DKKL1: variants seen among roughly 807,000 people sequenced by gnomAD.
DKKL1 encodes the protein dickkopf-like protein 1.
Under a neutral mutation model 16.5 loss-of-function variants are expected in DKKL1, and 11 were observed. The ratio of observed to expected loss-of-function variants is 0.67; its 90% CI spans 0.42 to 1.10. The LOEUF (loss-of-function observed/expected upper bound fraction) is 1.10, where lower values mean the gene tolerates loss of function less well. Among genes scored for constraint, DKKL1 ranks in the 50% least tolerant of loss-of-function variants. The pLI, the probability that DKKL1 is intolerant of heterozygous loss-of-function variation, is 0.00. For missense variants in DKKL1, 320 were observed against 308.1 expected (o/e 1.04, Z -0.29); for synonymous variants, 119 against 133.2 (o/e 0.89, Z 0.73).
chr19:49,363,874 A>G (rs914844088), upstream of DKKL1: 1 of 1,390,552 alleles, frequency 7.2e-7, no homozygotes, highest in African/African-American at 1.4e-5. Flanking sequence ...AACGCTCTAG[A>G]CCAGACCTGG....
chr19:49,364,037 G>C, intron 1 of DKKL1, 29 bp downstream of exon 1: 1 of 1,612,326 alleles, frequency 6.2e-7, no homozygotes, highest in East Asian at 2.2e-5. Context: ...TGGTGAACGT[G>C]GGCGAAAGTG....
chr19:49,365,979 G>A (rs1430669823), intron 4 of DKKL1, 94 bp downstream of exon 4: 3 of 1,205,044 alleles, frequency 2.5e-6, no homozygotes, highest in Non-Finnish European at 3.5e-6. Flanking sequence ...CCAGGCTGGA[G>A]TGCAGTGGCA....
intron 4 of DKKL1, among the ~76,000 whole-genome samples, chr19:49,373,324 C>CA (rs1370977831): frequency 6.6e-6 from 1 of 150,448 alleles, no homozygotes; most frequent in Non-Finnish European, 1.5e-5. Flanking sequence ...AAAAAGAACA[C>CA]AGTCATGTTG....
upstream of DKKL1, among the ~76,000 whole-genome samples, chr19:49,361,023 C>A (rs1972851759): frequency 2.2e-5 from 1 of 44,644 alleles, no homozygotes; most frequent in Non-Finnish European, 3.7e-5. Flanking sequence ...GGGACAGAGA[C>A]CAGAGGGAGG....
chr19:49,374,991 A>C lies in DKKL1; in HGVS notation c.692A>C (p.His231Pro). Residue 231 changes from histidine (H) to proline (P), a missense_variant, in exon 5 of 5, where the codon CAC becomes CCC. His to Pro is a moderately conservative substitution (Grantham distance 77). Coordinates refer to ENST00000221498, the MANE Select transcript of DKKL1 (RefSeq NM_014419.4). ...SHSRLSPRKT[H>P]LLYILRPSRQ... ...TCCAGGCTGTCCCCCCGAAAGACCC[A>C]CTTACTGTACATCCTCAGGCCCTCT... The C allele has an allele frequency of 6.2e-7, 1 of 1,612,880 alleles. No homozygotes were observed. Among genetic ancestry groups the C allele is most frequent in the Non-Finnish European group, 8.5e-7 (1 of 1,179,606 alleles).
At chr19:49,370,636 CAT>C (rs1973443412) in intron 4 of DKKL1, 1 of 152,092 alleles carries the variant, frequency 6.6e-6, no homozygotes, top group Non-Finnish European at 1.5e-5. Context: ...CGAAAGCTCA[CAT>C]GAGGATGCTC....
chr19:49,364,745 T>C lies in DKKL1; in HGVS notation c.174T>C (p.Leu58=). The C allele has an allele frequency of 6.2e-7, 1 of 1,612,360 alleles. No individual in the cohort carries two copies. ...LQSLLQGFSR[L]FLKGNLLRGI... is the part of the protein sequence containing the mutation. The stretch of plus-strand genomic sequence containing the variant: ...GCCTACTCCAAGGCTTCAGCCGACT[T>C]TTCCTGAAAGTAAGCGATGGCGGGG... Residue 58 remains leucine (L), a synonymous_variant, in exon 2 of 5, where the codon CTT becomes CTC. Transcript: ENST00000221498.
At chr19:49,364,193 T>C (rs1973149392) in intron 1 of DKKL1, among the ~76,000 whole-genome samples, 185 bp downstream of exon 1, 2 of 151,498 alleles carry the variant, frequency 1.3e-5, no homozygotes, top group Non-Finnish European at 2.9e-5. Context: ...CTACAAAAAA[T>C]ACAAAAATTA....
At chr19:49,363,775 G>C, upstream of DKKL1, 1 of 624,594 alleles carries the variant, frequency 1.6e-6, no homozygotes, top group South Asian at 1.7e-5. Flanking sequence ...CGTGGTCATG[G>C]AGTAGAGGCC....
intron 4 of DKKL1, among the ~76,000 whole-genome samples, chr19:49,372,374 C>T (rs1387266388): frequency 1.3e-5 from 2 of 151,964 alleles, no homozygotes; most frequent in Middle Eastern, 3.4e-3. Flanking sequence ...GCCTGGCTAA[C>T]GTAGCGAAAC....
intron 4 of DKKL1, among the ~76,000 whole-genome samples, chr19:49,366,904 C>T (rs972829970): frequency 2.0e-5 from 3 of 152,046 alleles, no homozygotes; most frequent in South Asian, 2.1e-4. Context: ...GACGGGGTTT[C>T]GCCATGTTTC....
chr19:49,367,684 G>A (rs142992350), intron 4 of DKKL1, among the ~76,000 whole-genome samples: 5,235 of 152,160 alleles, frequency 0.034, 279 homozygotes, highest in African/African-American at 0.12. Flanking sequence ...GGGATTATAG[G>A]CGTGAGCCAC....
intron 4 of DKKL1, among the ~76,000 whole-genome samples, chr19:49,372,880 A>T (rs1053114678): frequency 2.0e-5 from 3 of 151,910 alleles, no homozygotes; most frequent in South Asian, 4.1e-4. Context: ...ACATGTCTGT[A>T]ATCCCAGCTA....
At position 49,363,983 on chromosome 19, in the gene DKKL1, G is replaced by C; in HGVS notation, c.-16G>C. ...TGGTCTAGCATAAAGGCGGAGCCCA[G>C]AAGAAGGGGCGGGGTATGGGAGAAG... is the stretch of plus-strand genomic sequence containing the variant. On this transcript the variant is annotated 5_prime_UTR_variant, in exon 1 of 5. Coordinates refer to ENST00000221498, the MANE Select transcript of DKKL1 (RefSeq NM_014419.4). 1 of 1,613,212 alleles carries C rather than the reference G, an allele frequency of 6.2e-7. No homozygotes were observed. The highest frequency in any genetic ancestry group is 8.5e-7 in the Non-Finnish European group (1 of 1,179,640).
chr19:49,363,797 G>A, upstream of DKKL1: 1 of 702,438 alleles, frequency 1.4e-6, no homozygotes, highest in Non-Finnish European at 2.5e-6. Flanking sequence ...GGGCTCCTGG[G>A]TGAGGCCGGC....
intron 4 of DKKL1, among the ~76,000 whole-genome samples, chr19:49,371,658 C>T (rs1400984271): frequency 6.7e-6 from 1 of 150,238 alleles, no homozygotes; most frequent in Non-Finnish European, 1.5e-5. Context: ...TTCTGGGGTA[C>T]ATGTGCAGAC....
At chr19:49,362,885 T>C (rs1973050848), upstream of DKKL1, among the ~76,000 whole-genome samples, 1 of 151,948 alleles carries the variant, frequency 6.6e-6, no homozygotes, top group Admixed American at 6.6e-5. Context: ...CTGAGGTTTT[T>C]TTTCTTTTTT....
intron 1 of DKKL1, 91 bp from the exon 2 acceptor site, chr19:49,364,491 G>C: frequency 8.8e-7 from 1 of 1,136,782 alleles, no homozygotes; most frequent in Non-Finnish European, 1.2e-6. Flanking sequence ...TGCCTGAACT[G>C]GGGAGGCGAC....
chr19:49,365,365 G>A, intron 2 of DKKL1, 144 bp from the exon 3 acceptor site: 1 of 941,214 alleles, frequency 1.1e-6, no homozygotes, highest in Non-Finnish European at 1.5e-6. Flanking sequence ...CGGAGGTTAG[G>A]CCCTAAGTAT....
Sources: allele counts gnomAD v4.1 joint callset (sites outside exome capture counted in the v4.1 genomes callset), GRCh38; gene constraint gnomAD v4.1.1; transcripts MANE v1.5; gene names NCBI Gene and HGNC (gene_info 2026-07-23, HGNC 2026-07-21).